Variants in ELAVL2 observed in about 807,000 individuals in gnomAD.
ELAVL2 encodes ELAV-like protein 2.
ELAVL2 carries 4 observed loss-of-function variants against 34.6 expected under a neutral mutation model. The observed-to-expected ratio is 0.12, with a 90% CI of 0.06 to 0.26. The LOEUF (loss-of-function observed/expected upper bound fraction) is 0.26, where lower values mean the gene tolerates loss of function less well. Ranked by LOEUF, ELAVL2 falls within the 10% of genes least tolerant of loss-of-function variation. ELAVL2 has a pLI of 1.00. For synonymous variants in ELAVL2, 193 were observed against 154.8 expected (o/e 1.25, Z -1.83); for missense variants, 432 against 442.8 (o/e 0.98, Z 0.22).
rs375278678 is a variant in ELAVL2, at chr9:23,778,834, G to A, written c.-15-16585C>T. 3.9e-5 allele frequency among the ~76,000 whole-genome samples: 6 copies of A among 152,262 alleles called. No individual in the cohort carries two copies. The East Asian group carries it at 9.7e-4, about 24-fold the overall frequency. On this transcript the variant is annotated intron_variant, in intron 1 of 6. Coordinates refer to ENST00000397312, the MANE Select transcript of ELAVL2 (RefSeq NM_004432.5). The stretch of plus-strand genomic sequence containing the variant: ...TCTGTGTCACTAAACATCCTAATAT[G>A]ACTGCCACAGACATTCAAAGCACTC...
intron 3 of ELAVL2, among the ~76,000 whole-genome samples, chr9:23,710,595 G>C (rs1178847827): frequency 6.6e-6 from 1 of 152,124 alleles, no homozygotes; most frequent in Non-Finnish European, 1.5e-5. Flanking sequence ...GTCAATTACT[G>C]ACCCAGGACT....
Position 23,825,798 on chromosome 9 carries a change from A to C in ELAVL2, c.-16+8T>G, listed in dbSNP as rs1169853326. The stretch of plus-strand genomic sequence containing the variant: ...ACTAATGATTAAAGAAACCAAACCG[A>C]AACTTACCTTTCTCCCTTAAGGTTT... On this transcript the variant is annotated splice_region_variant and intron_variant, in intron 1 of 6. Transcript: ENST00000397312. 1 of 152,258 alleles carries C rather than the reference A, an allele frequency of 6.6e-6. No homozygotes were observed. The highest frequency in any genetic ancestry group is 1.5e-5 in the Non-Finnish European group (1 of 68,052). The allele number at this position is 152,258 out of a possible 1,614,324, so 9.4% of individuals were successfully genotyped here.
intron 1 of ELAVL2, among the ~76,000 whole-genome samples, chr9:23,771,926 CAT>C (rs2057371894): frequency 6.6e-6 from 1 of 152,178 alleles, no homozygotes; most frequent in African/African-American, 2.4e-5. Context: ...GGTGATGAAT[CAT>C]TCCAACCCCA....
At chr9:23,799,871 T>C (rs1451920272) in intron 1 of ELAVL2, among the ~76,000 whole-genome samples, 1 of 152,148 alleles carries the variant, frequency 6.6e-6, no homozygotes, top group Admixed American at 6.5e-5. Context: ...AGTTTCCCAT[T>C]CTCTTTCCTT....
intron 2 of ELAVL2, among the ~76,000 whole-genome samples, chr9:23,757,166 C>A (rs1228624512): frequency 6.6e-6 from 1 of 152,118 alleles, no homozygotes; most frequent in Non-Finnish European, 1.5e-5. Flanking sequence ...TGTTCTTGTT[C>A]ATTTGGTGTA....
intron 1 of ELAVL2, among the ~76,000 whole-genome samples, chr9:23,817,847 A>C (rs1278269701): frequency 6.6e-6 from 1 of 152,196 alleles, no homozygotes; most frequent in Non-Finnish European, 1.5e-5. Context: ...TTCAGACTCC[A>C]AAAGTTATCA....
intron 2 of ELAVL2, among the ~76,000 whole-genome samples, chr9:23,757,543 T>C (rs1015448357): frequency 6.6e-6 from 1 of 151,770 alleles, no homozygotes; most frequent in Non-Finnish European, 1.5e-5. Flanking sequence ...TTATTACTCA[T>C]TCCTTGCATC....
intron 1 of ELAVL2, among the ~76,000 whole-genome samples, chr9:23,791,623 G>GCA (rs1052269905): frequency 1.6e-5 from 2 of 126,516 alleles, no homozygotes; most frequent in South Asian, 5.3e-4. Flanking sequence ...CAAGTATGGG[G>GCA]CCCTAATCCA....
chr9:23,800,159 C>G (rs2061412198), intron 1 of ELAVL2, among the ~76,000 whole-genome samples: 1 of 152,172 alleles, frequency 6.6e-6, no homozygotes, highest in African/African-American at 2.4e-5. Flanking sequence ...GAGGGCTTCA[C>G]CATAAAGCAT....
At position 23,706,503 on chromosome 9, in the gene ELAVL2, C is replaced by T. The variant is rs1047754842; in HGVS notation, c.334-1432G>A. Among the ~76,000 whole-genome samples the T allele has an allele frequency of 3.3e-5, 5 of 152,150 alleles. No homozygotes were observed. The South Asian group carries it at 8.3e-4, about 25-fold the overall frequency. ...CCAATTGTAATTGATGACTCTCTGC[C>T]TATAACCTATCTTTGCCAACATTTA... is the stretch of plus-strand genomic sequence containing the variant. On this transcript the variant is annotated intron_variant, in intron 3 of 6. Coordinates refer to ENST00000397312, the MANE Select transcript of ELAVL2 (RefSeq NM_004432.5).
the ELAVL2 span, among the ~76,000 whole-genome samples, chr9:23,835,006 A>G: frequency 6.6e-6 from 1 of 152,020 alleles, no homozygotes; most frequent in Non-Finnish European, 1.5e-5. Context: ...TCTCATTTTC[A>G]GGGGGCATAA....
intron 2 of ELAVL2, among the ~76,000 whole-genome samples, chr9:23,753,816 C>G (rs1393448870): frequency 6.6e-6 from 1 of 152,138 alleles, no homozygotes; most frequent in Non-Finnish European, 1.5e-5. Context: ...CACACGTGCA[C>G]TCTTATGCTG....
chr9:23,723,427 C>CG (rs893394378), intron 3 of ELAVL2, among the ~76,000 whole-genome samples: 1 of 150,678 alleles, frequency 6.6e-6, no homozygotes, highest in African/African-American at 2.4e-5. Context: ...GTTGTGGGGA[C>CG]GGGGGAGGGA....
chr9:23,750,325 A>G (rs2051612540), intron 2 of ELAVL2, among the ~76,000 whole-genome samples: 1 of 151,900 alleles, frequency 6.6e-6, no homozygotes, highest in Non-Finnish European at 1.5e-5. Flanking sequence ...AAATACACAT[A>G]TTGATATAAA....
intron 1 of ELAVL2, among the ~76,000 whole-genome samples, chr9:23,789,541 C>T (rs1323691217): frequency 6.6e-6 from 1 of 152,114 alleles, no homozygotes; most frequent in Non-Finnish European, 1.5e-5. Flanking sequence ...AAATCTGACA[C>T]CTGCTGAATG....
At chr9:23,724,334 G>C (rs181149349) in intron 3 of ELAVL2, among the ~76,000 whole-genome samples, 100 of 152,138 alleles carry the variant, frequency 6.6e-4, no homozygotes, top group African/African-American at 2.4e-3. Context: ...AAATCTAAAG[G>C]AAATCCATTG....
intron 1 of ELAVL2, among the ~76,000 whole-genome samples, chr9:23,823,563 C>T (rs976501569): frequency 6.6e-6 from 1 of 152,188 alleles, no homozygotes; most frequent in Non-Finnish European, 1.5e-5. Context: ...CAGGCAATGA[C>T]AGCAATAAGT....
chr9:23,749,925 C>T (rs773879821), intron 2 of ELAVL2, among the ~76,000 whole-genome samples: 1 of 151,672 alleles, frequency 6.6e-6, no homozygotes, highest in Non-Finnish European at 1.5e-5. Flanking sequence ...GCAAAATTAC[C>T]TAAGAGCTGT....
At chr9:23,813,648 G>T (rs141574593) in intron 1 of ELAVL2, among the ~76,000 whole-genome samples, 19 of 152,120 alleles carry the variant, frequency 1.2e-4, no homozygotes, top group African/African-American at 2.9e-4. Context: ...AAATCCCAGG[G>T]GGGGAGGAGA....
Sources: gnomAD v4.1 joint callset for allele counts (sites outside exome capture counted in the v4.1 genomes callset) on GRCh38, gnomAD v4.1.1 for gene constraint, MANE v1.5 for transcripts, NCBI Gene and HGNC (gene_info 2026-07-23, HGNC 2026-07-21) for gene names.